The following TNKS1BP1 variants were observed in gnomAD, a reference collection of about 807,000 sequenced individuals.
TNKS1BP1 encodes CCR4-NOT transcription complex subunit 12.
A neutral mutation model predicts 141.1 loss-of-function variants in TNKS1BP1; 48 were observed. That is an observed-to-expected ratio of 0.34 (90% CI 0.27 to 0.43). The LOEUF is 0.43. Ranked by LOEUF, TNKS1BP1 falls within the 20% of genes least tolerant of loss-of-function variation. The pLI is 1.00. For missense variants in TNKS1BP1, 2,149 were observed against 2,226.0 expected (o/e 0.97, Z 0.70); for synonymous variants, 875 against 898.2 (o/e 0.97, Z 0.46).
At chr11:57,316,538 C>T (rs1855801713) in intron 4 of TNKS1BP1, among the ~76,000 whole-genome samples, 1 of 152,190 alleles carries the variant, frequency 6.6e-6, no homozygotes, top group African/African-American at 2.4e-5. Context: ...CCTTAGAAGT[C>T]CCCGTCTCGG....
At position 57,312,898 on chromosome 11, in the gene TNKS1BP1, G is replaced by A. The variant is rs774607572; in HGVS notation, c.1790C>T (p.Ala597Val). Residue 597 changes from alanine to valine, a missense_variant, in exon 5 of 12, where the codon GCT becomes GTT. Coordinates refer to ENST00000358252, the MANE Select transcript of TNKS1BP1 (RefSeq NM_033396.3). ...CAGGGGGAGAGGGGACTCCTGTCCA[G>A]CCAAGGGCTCCTGCGACTCGTATCT... The part of the protein sequence containing the change: ...EERYESQEPL[A>V]GQESPLPLAT... 2 of 1,609,182 alleles carry A rather than the reference G, an allele frequency of 1.2e-6. No individual in the cohort carries two copies. Among genetic ancestry groups the A allele is most frequent in the Non-Finnish European group, 8.5e-7 (1 of 1,177,018 alleles).
intron 4 of TNKS1BP1, 123 bp from the exon 5 acceptor site, chr11:57,314,012 C>CCTCGGGTTCCA: frequency 8.7e-7 from 1 of 1,144,792 alleles, no homozygotes; most frequent in Non-Finnish European, 1.1e-6. Context: ...AACTGGAACC[C>CCTCGGGTTCCA]GAGGGGGTCC....
intron 4 of TNKS1BP1, among the ~76,000 whole-genome samples, chr11:57,315,433 C>T (rs997772043): frequency 3.9e-5 from 6 of 152,106 alleles, no homozygotes; most frequent in African/African-American, 1.4e-4. Flanking sequence ...ACTGTTTAAC[C>T]TGTTTAAATA....
At chr11:57,318,698 C>G (rs1323975646) in intron 3 of TNKS1BP1, among the ~76,000 whole-genome samples, 2 of 152,252 alleles carry the variant, frequency 1.3e-5, no homozygotes, top group African/African-American at 2.4e-5. Context: ...ATGCCTCAGC[C>G]TCTTCCTCCA....
Position 57,309,410 on chromosome 11 carries a change from C to T in TNKS1BP1, c.3301G>A (p.Ala1101Thr), listed in dbSNP as rs1246015495. The change falls in exon 6 of 12, where the codon GCA becomes ACA. Residue 1101 changes from alanine (A) to threonine (T), a missense_variant. Transcript: ENST00000358252. The surrounding 1 kb of genome is among the most constrained non-coding windows in gnomAD (Gnocchi z 4.3). ...CAGTCCTGCTGCCCTGGGCTAAATG[C>T]TGCCTCTCGCTGGGGGCCAACACTG... ...SLSVGPQREA[A>T]FSPGQQDWSR... 1 of 1,614,006 alleles carries T rather than the reference C, an allele frequency of 6.2e-7. No homozygotes were observed. The highest frequency in any genetic ancestry group is 8.5e-7 in the Non-Finnish European group (1 of 1,180,038).
At chr11:57,300,784 T>C in intron 10 of TNKS1BP1, 100 bp downstream of exon 10, 1 of 1,529,016 alleles carries the variant, frequency 6.5e-7, no homozygotes, top group Non-Finnish European at 8.9e-7. Context: ...CTGAGGTTCC[T>C]CTTTGAGCCT....
chr11:57,319,968 G>A (rs1169775397), intron 3 of TNKS1BP1, 111 bp downstream of exon 3: 3 of 1,447,300 alleles, frequency 2.1e-6, no homozygotes, highest in South Asian at 1.3e-5. Flanking sequence ...CAACCTACAG[G>A]TAAAAGTCAC....
rs761188899 is a variant in TNKS1BP1, at chr11:57,320,292, C to A, written c.515G>T (p.Arg172Leu). 8.7e-6 allele frequency: 14 copies of A among 1,614,070 alleles called. No individual in the cohort carries two copies. The highest frequency in any genetic ancestry group is 1.2e-5 in the Non-Finnish European group (14 of 1,180,038). The change falls in exon 3 of 12, where the codon CGG becomes CTG. Residue 172 changes from arginine to leucine, a missense_variant. By Grantham distance (102) the Arg-to-Leu change is moderately radical. Coordinates refer to ENST00000358252, the MANE Select transcript of TNKS1BP1 (RefSeq NM_033396.3). ...GTCGGGGCTGGCAAGGACCTCCTTCCGAGGCTGCTCCATCTTGGCCAGGAT... is the reference window on the plus strand; with the variant it reads ...GTCGGGGCTGGCAAGGACCTCCTTCAGAGGCTGCTCCATCTTGGCCAGGAT... ...EEILAKMEQP[R>L]KEVLASPDRL...
In TNKS1BP1 at chr11:57,313,855, G is replaced by T. The variant is rs754582447; in HGVS notation, c.833C>A (p.Pro278His). The change falls in exon 5 of 12, where the codon CCC becomes CAC. Residue 278 changes from proline to histidine, a missense_variant. Physicochemically the swap from Pro to His is moderately conservative, Grantham distance 77. Coordinates refer to ENST00000358252, the MANE Select transcript of TNKS1BP1 (RefSeq NM_033396.3). The stretch of plus-strand genomic sequence containing the variant: ...GGCAGGGCCTCCATTCTCTGAGGAG[G>T]GGGCTGGACTTGAGGGAATCCAGGG... ...SKPWIPSSPA[P>H]SSENGGPASP... The T allele has an allele frequency of 2.2e-5, 33 of 1,517,710 alleles. No individual in the cohort carries two copies. The highest frequency in any genetic ancestry group is 2.7e-5 in the Non-Finnish European group (31 of 1,137,252). The allele number at this position is 1,517,710 out of a possible 1,614,324, so 94.0% of individuals were successfully genotyped here.
intron 3 of TNKS1BP1, 114 bp downstream of exon 3, chr11:57,319,965 C>T (rs1312981499): frequency 7.1e-7 from 1 of 1,413,674 alleles, no homozygotes; most frequent in Non-Finnish European, 9.6e-7. Flanking sequence ...AACCAACCTA[C>T]AGGTAAAAGT....
Position 57,320,290 on chromosome 11 carries a change from T to C in TNKS1BP1, c.517A>G (p.Lys173Glu), listed in dbSNP as rs774123305. 6.2e-7 allele frequency: 1 copy of C among 1,614,156 alleles called. No homozygotes were observed. The highest frequency in any genetic ancestry group is 1.1e-5 in the South Asian group (1 of 91,078). ...EILAKMEQPR[K>E]EVLASPDRLW... ...CGGTCGGGGCTGGCAAGGACCTCCT[T>C]CCGAGGCTGCTCCATCTTGGCCAGG... Residue 173 changes from lysine (K) to glutamate (E), a missense_variant, in exon 3 of 12, where the codon AAG becomes GAG. Physicochemically the swap from Lys to Glu is moderately conservative, Grantham distance 56. Transcript: ENST00000358252.
intron 5 of TNKS1BP1, 25 bp downstream of exon 5, chr11:57,312,509 C>A: frequency 7.0e-7 from 1 of 1,431,960 alleles, no homozygotes; most frequent in South Asian, 1.8e-5. Context: ...CCCAGAAGTC[C>A]CATTCTCCCT....
rs564986719 is a variant in TNKS1BP1 at position 57,305,135 on chromosome 11, GT to G, written c.4317-2311del. ...CCCGGCATGGGAGCAGGAAAGAGGG[GT>G]AGTTAGGAACACAGGGACTGAGTCC... On this transcript the variant is annotated intron_variant, in intron 6 of 11. Transcript: ENST00000358252. Among the ~76,000 whole-genome samples the G allele has an allele frequency of 3.4e-4, 52 of 152,294 alleles. 2 individuals carry two copies. In the East Asian group the frequency reaches 6.8e-3, roughly 20 times the overall value.
rs1032650633 is a variant in TNKS1BP1, at chr11:57,322,250, C to G, written c.-65-300G>C. The G allele has an allele frequency of 2.2e-5, 23 of 1,061,778 alleles. No homozygotes were observed. The African/African-American group carries it at 3.6e-4, about 17-fold the overall frequency. The allele number at this position is 1,061,778 out of a possible 1,614,324, so 65.8% of individuals were successfully genotyped here. On this transcript the variant is annotated intron_variant, in intron 1 of 11. Transcript: ENST00000358252. ...CACCCCACTTACAGTCCCCACAGTG[C>G]CCCTTGGGTAGGACGGCCCCGCTGG...
chr11:57,320,892 A>G (rs1422630715), intron 2 of TNKS1BP1, among the ~76,000 whole-genome samples, 180 bp from the exon 3 acceptor site: 1 of 152,082 alleles, frequency 6.6e-6, no homozygotes, highest in African/African-American at 2.4e-5. Context: ...CACATCCCCA[A>G]AGCATCTTCT....
Position 57,309,864 on chromosome 11 carries a change from T to C in TNKS1BP1, c.2847A>G (p.Glu949=). The part of the protein sequence containing the change: ...TYGSRAAEPQ[E]QEFGKSAWIR... ...TCCAAGCGCTCTTCCCAAACTCCTG[T>C]TCCTGTGGCTCCGCAGCCCGGCTGC... Residue 949 remains glutamate (E), a synonymous_variant, in exon 6 of 12, where the codon GAA becomes GAG. Coordinates refer to ENST00000358252, the MANE Select transcript of TNKS1BP1 (RefSeq NM_033396.3). The surrounding 1 kb of genome is among the most constrained non-coding windows in gnomAD (Gnocchi z 4.3). The C allele has an allele frequency of 6.2e-7, 1 of 1,614,176 alleles. No homozygotes were observed. Among genetic ancestry groups the C allele is most frequent in the Non-Finnish European group, 8.5e-7 (1 of 1,180,012 alleles).
Position 57,317,839 on chromosome 11 carries a change from G to T in TNKS1BP1, c.777C>A (p.Ala259=), listed in dbSNP as rs753486283. The T allele has an allele frequency of 6.2e-7, 1 of 1,613,958 alleles. No individual in the cohort carries two copies. The highest frequency in any genetic ancestry group is 1.7e-5 in the Admixed American group (1 of 60,012). The change falls in exon 4 of 12, where the codon GCC becomes GCA. Residue 259 remains alanine, a synonymous_variant. Coordinates refer to ENST00000358252, the MANE Select transcript of TNKS1BP1 (RefSeq NM_033396.3). ...TCACATCAGCAGGTAGCTCCGAGCTGGCTGCCTTAGCCAGGTCCCCGTTGA... is the reference window on the plus strand; with the variant it reads ...TCACATCAGCAGGTAGCTCCGAGCTTGCTGCCTTAGCCAGGTCCCCGTTGA... ...LAFNGDLAKA[A]SSELPADISK... is the part of the protein sequence containing the mutation.
chr11:57,317,954 G>C, intron 3 of TNKS1BP1, 67 bp from the exon 4 acceptor site: 1 of 1,505,288 alleles, frequency 6.6e-7, no homozygotes, highest in Middle Eastern at 2.1e-4. Flanking sequence ...TGGAAAATGT[G>C]GGAGAGTCTC....
At chr11:57,307,929 T>C (rs901786149) in intron 6 of TNKS1BP1, among the ~76,000 whole-genome samples, 3 of 152,194 alleles carry the variant, frequency 2.0e-5, no homozygotes, top group African/African-American at 7.2e-5. Flanking sequence ...CCTAACCTCT[T>C]TGAGAACCCG....
Sources: allele counts gnomAD v4.1 joint callset (sites outside exome capture counted in the v4.1 genomes callset), GRCh38; gene constraint gnomAD v4.1.1; non-coding constraint Gnocchi (gnomAD v3.1); transcripts MANE v1.5; gene names NCBI Gene and HGNC (gene_info 2026-07-23, HGNC 2026-07-21).